The following NEK6 variants were observed in gnomAD, a reference collection of about 807,000 sequenced individuals.
NEK6 encodes the protein NIMA related kinase 6.
Under a neutral mutation model 43.5 loss-of-function variants are expected in NEK6, and 27 were observed. The observed-to-expected ratio is 0.62, with a 90% CI of 0.46 to 0.86. The LOEUF is 0.86. Among genes scored for constraint, NEK6 ranks in the 40% least tolerant of loss-of-function variants. The pLI, the probability that NEK6 is intolerant of heterozygous loss-of-function variation, is 0.00. For missense variants in NEK6, 318 were observed against 414.4 expected, an observed-to-expected ratio of 0.77 and a Z score of 2.02; for synonymous variants, 167 against 164.1, an observed-to-expected ratio of 1.02 and a Z score of -0.14.
chr9:124,329,717 C>G (rs1828869268), intron 7 of NEK6, among the ~76,000 whole-genome samples: 1 of 152,234 alleles, frequency 6.6e-6, no homozygotes, highest in Non-Finnish European at 1.5e-5. Flanking sequence ...CCACCAGGTT[C>G]TAGAATGGTG....
At position 124,292,757 on chromosome 9, in the gene NEK6, G is replaced by T. The variant is rs900708988; in HGVS notation, c.-29-9179G>T. The T allele has an allele frequency of 1.1e-4, 132 of 1,238,180 alleles. No individual in the cohort carries two copies. The Middle Eastern group carries it at 1.3e-3, about 12-fold the overall frequency. 76.7% of individuals were successfully genotyped at this position (1,238,180 alleles called of 1,614,324 possible). On this transcript the variant is annotated intron_variant, in intron 1 of 9. Transcript: ENST00000320246. The stretch of plus-strand genomic sequence containing the variant: ...CCTCAGGTGTTTCTGTACTGAGTCA[G>T]CAACCAGTTACCCAGCCTCTCCTCT...
intron 2 of NEK6, among the ~76,000 whole-genome samples, chr9:124,311,176 G>A (rs1202221536): frequency 2.0e-5 from 3 of 152,354 alleles, no homozygotes; most frequent in Admixed American, 6.5e-5. Flanking sequence ...TGTAGTTCTC[G>A]GTTTGGTCTT....
intron 7 of NEK6, among the ~76,000 whole-genome samples, chr9:124,336,610 T>A (rs1410262868): frequency 6.6e-6 from 1 of 152,210 alleles, no homozygotes; most frequent in Non-Finnish European, 1.5e-5. Context: ...TTTGCCACGC[T>A]GGGACTCCAG....
In NEK6 at chr9:124,350,887, T is replaced by C. The variant is rs1380956850; in HGVS notation, c.882T>C (p.Pro294=). Residue 294 remains proline, a synonymous_variant, in exon 10 of 10, where the codon CCT becomes CCC. Transcript: ENST00000320246. ...TCTGCCCTGACCCCCACCAGAGACC[T>C]GACATCGGATACGTGCACCAGGTGG... ...MCICPDPHQR[P]DIGYVHQVAK... 1 of 1,612,332 alleles carries C rather than the reference T, an allele frequency of 6.2e-7. No individual in the cohort carries two copies. Among genetic ancestry groups the C allele is most frequent in the African/African-American group, 1.3e-5 (1 of 74,908 alleles).
chr9:124,300,618 G>A (rs1012576842), intron 1 of NEK6, among the ~76,000 whole-genome samples: 5 of 152,174 alleles, frequency 3.3e-5, no homozygotes, highest in African/African-American at 9.7e-5. Context: ...AACCACTCAG[G>A]GAGGAGGGAG....
At chr9:124,289,048 C>G (rs1159215728) in intron 1 of NEK6, among the ~76,000 whole-genome samples, 1 of 151,966 alleles carries the variant, frequency 6.6e-6, no homozygotes, top group Admixed American at 6.6e-5. Flanking sequence ...TGGCACAATA[C>G]TAGCTCTCCA....
At chr9:124,345,639 T>C (rs1251006442) in intron 8 of NEK6, among the ~76,000 whole-genome samples, 1 of 152,076 alleles carries the variant, frequency 6.6e-6, no homozygotes, top group Non-Finnish European at 1.5e-5. Context: ...CTGATTCCTC[T>C]CCGGGGTCAG....
At chr9:124,329,079 C>T (rs1049745347) in intron 7 of NEK6, among the ~76,000 whole-genome samples, 8 of 152,212 alleles carry the variant, frequency 5.3e-5, no homozygotes, top group Non-Finnish European at 1.2e-4. Context: ...AAACGAGGGC[C>T]GGGGGCCTCG....
intron 2 of NEK6, among the ~76,000 whole-genome samples, chr9:124,303,626 C>T (rs1167302546): frequency 6.6e-6 from 1 of 152,152 alleles, no homozygotes; most frequent in African/African-American, 2.4e-5. Context: ...TACACACAAG[C>T]ATGCAGAGGG....
In NEK6 at chr9:124,342,825, C is replaced by T. The variant is rs369025818; in HGVS notation, c.717+3160C>T. Among the ~76,000 whole-genome samples the T allele has an allele frequency of 7.2e-5, 11 of 152,178 alleles. No individual in the cohort carries two copies. In the East Asian group the frequency reaches 1.2e-3, roughly 16 times the overall value. On this transcript the variant is annotated intron_variant, in intron 8 of 9. Coordinates refer to ENST00000320246, the MANE Select transcript of NEK6 (RefSeq NM_014397.6). ...GAACCATGGGCTCTCCACACATAAACACACACACAGCATATGAACACACAC... is the reference window on the plus strand; with the variant it reads ...GAACCATGGGCTCTCCACACATAAATACACACACAGCATATGAACACACAC...
intron 9 of NEK6, among the ~76,000 whole-genome samples, chr9:124,349,021 C>A (rs1274352893): frequency 1.3e-5 from 2 of 152,246 alleles, no homozygotes; most frequent in African/African-American, 4.8e-5. Flanking sequence ...GCCCTTGCCC[C>A]GGCCAAACTG....
intron 2 of NEK6, among the ~76,000 whole-genome samples, chr9:124,306,612 C>T (rs907072212): frequency 3.9e-5 from 6 of 152,182 alleles, no homozygotes; most frequent in Admixed American, 6.5e-5. Context: ...GCCATCGCAC[C>T]GTCAAGGGGC....
intron 1 of NEK6, among the ~76,000 whole-genome samples, chr9:124,271,718 G>T (rs2118921809): frequency 6.6e-6 from 1 of 152,334 alleles, no homozygotes; most frequent in South Asian, 2.1e-4. Context: ...CCCTGGCTGG[G>T]CCTCTTGCCC....
At position 124,275,356 on chromosome 9, in the gene NEK6, A is replaced by C. The variant is rs1483405827; in HGVS notation, c.-30+17271A>C. 1.3e-5 allele frequency among the ~76,000 whole-genome samples: 2 copies of C among 151,834 alleles called. No homozygotes were observed. The highest frequency in any genetic ancestry group is 2.9e-5 in the Non-Finnish European group (2 of 67,990). Reference sequence around the variant, plus strand: ...CCTGAGCCTCGGTTTCCTCATCTTCACTCCCAGCACTGTGGAGGGGTGACC... The same window carrying C: ...CCTGAGCCTCGGTTTCCTCATCTTCCCTCCCAGCACTGTGGAGGGGTGACC... On this transcript the variant is annotated intron_variant, in intron 1 of 9. Coordinates refer to ENST00000320246, the MANE Select transcript of NEK6 (RefSeq NM_014397.6). This position sits in a 1 kb window ranked among gnomAD's most constrained non-coding sequence, Gnocchi z 4.4.
At chr9:124,278,741 C>G (rs1831759397) in intron 1 of NEK6, among the ~76,000 whole-genome samples, 1 of 152,170 alleles carries the variant, frequency 6.6e-6, no homozygotes, top group African/African-American at 2.4e-5. Context: ...CATTATACAG[C>G]TGGGGAGACT....
intron 4 of NEK6, among the ~76,000 whole-genome samples, chr9:124,316,852 C>T (rs148989301): frequency 1.7e-4 from 26 of 152,332 alleles, no homozygotes; most frequent in Admixed American, 2.6e-4. Flanking sequence ...CAGGAACCAG[C>T]GCCTCCTTGA....
At chr9:124,314,495 T>G (rs1833716531) in intron 4 of NEK6, among the ~76,000 whole-genome samples, 1 of 149,176 alleles carries the variant, frequency 6.7e-6, no homozygotes, top group African/African-American at 2.5e-5. Flanking sequence ...GTGGTGGTGG[T>G]GGGTTTTTTT....
intron 7 of NEK6, among the ~76,000 whole-genome samples, chr9:124,336,960 C>T (rs371168138): frequency 6.6e-5 from 10 of 150,710 alleles, no homozygotes; most frequent in African/African-American, 2.2e-4. Context: ...CGCACCACTG[C>T]ACTCCAGCCT....
intron 1 of NEK6, among the ~76,000 whole-genome samples, chr9:124,267,777 AAC>A (rs1481385290): frequency 5.3e-5 from 8 of 152,232 alleles, no homozygotes; most frequent in Admixed American, 4.6e-4. Context: ...CCCCTGGGGA[AAC>A]ACACAGGAAT....
Sources: gnomAD v4.1 joint callset for allele counts (sites outside exome capture counted in the v4.1 genomes callset) on GRCh38, gnomAD v4.1.1 for gene constraint, Gnocchi (gnomAD v3.1) non-coding constraint, MANE v1.5 for transcripts, NCBI Gene and HGNC (gene_info 2026-07-23, HGNC 2026-07-21) for gene names.